The following SFRP1 variants were observed in gnomAD, a reference collection of about 807,000 sequenced individuals.
The protein encoded by SFRP1 is secreted frizzled related protein 1.
Under a neutral mutation model 25.9 loss-of-function variants are expected in SFRP1, and 9 were observed. The ratio of observed to expected loss-of-function variants is 0.35; its 90% CI spans 0.21 to 0.61. The LOEUF is 0.61. Among genes scored for constraint, SFRP1 ranks in the 20% least tolerant of loss-of-function variants. The pLI is 0.78. For missense variants in SFRP1, 346 were observed against 418.2 expected, an observed-to-expected ratio of 0.83 and a Z score of 1.51; for synonymous variants, 178 against 174.0, an observed-to-expected ratio of 1.02 and a Z score of -0.18.
chr8:41,294,905 G>A (rs1046457960), intron 2 of SFRP1, among the ~76,000 whole-genome samples: 21 of 152,234 alleles, frequency 1.4e-4, no homozygotes, highest in African/African-American at 5.1e-4. Context: ...AGGACCCAGC[G>A]TGCAGCATGA....
chr8:41,297,527 T>G (rs1452242172), intron 2 of SFRP1, among the ~76,000 whole-genome samples: 1 of 152,170 alleles, frequency 6.6e-6, no homozygotes, highest in Non-Finnish European at 1.5e-5. Flanking sequence ...CTAAAACATT[T>G]TTTTCCAATA....
chr8:41,300,725 GAGTGGCACCC>G (rs1585520817), intron 2 of SFRP1, among the ~76,000 whole-genome samples: 1 of 152,210 alleles, frequency 6.6e-6, no homozygotes, highest in Admixed American at 6.5e-5. Flanking sequence ...TAAGAGGCGA[GAGTGGCACCC>G]TGTTGTCACA....
chr8:41,264,846 T>C lies in SFRP1; in HGVS notation c.*321A>G. On this transcript the variant is annotated 3_prime_UTR_variant, in exon 3 of 3. Transcript: ENST00000220772. ...GCTCTCACTTTCCGCCCAATCCCCC[T>C]TTTTGTGTTTTAGTGGCTGTGTTGC... The C allele has an allele frequency of 3.7e-6, 1 of 271,696 alleles. No individual in the cohort carries two copies. Among genetic ancestry groups the C allele is most frequent in the African/African-American group, 2.2e-5 (1 of 45,836 alleles). The allele number at this position is 271,696 out of a possible 1,614,324, so 16.8% of individuals were successfully genotyped here. A position where few individuals can be genotyped will look rare whatever the true frequency, so the allele number is the denominator to read the frequency against.
At chr8:41,291,939 C>T (rs1026742718) in intron 2 of SFRP1, among the ~76,000 whole-genome samples, 1 of 152,120 alleles carries the variant, frequency 6.6e-6, no homozygotes, top group Non-Finnish European at 1.5e-5. Flanking sequence ...GTGGGGACAG[C>T]GAGGTACCCT....
chr8:41,266,213 G>A (rs10092633), intron 2 of SFRP1, among the ~76,000 whole-genome samples: 6,167 of 151,780 alleles, frequency 0.041, 404 homozygotes, highest in African/African-American at 0.14. Flanking sequence ...CACCGCCTCC[G>A]CCCCCTATTC....
At chr8:41,266,914 C>T (rs997568478) in intron 2 of SFRP1, among the ~76,000 whole-genome samples, 7 of 152,216 alleles carry the variant, frequency 4.6e-5, no homozygotes, top group Admixed American at 1.3e-4. Flanking sequence ...TAAACATCAA[C>T]GTCCAACCAC....
At chr8:41,275,065 A>G (rs535350864) in intron 2 of SFRP1, 5 of 338,410 alleles carry the variant, frequency 1.5e-5, no homozygotes, top group Non-Finnish European at 2.9e-5. Flanking sequence ...GTCAATCCCC[A>G]TCATTTTTCA....
intron 2 of SFRP1, among the ~76,000 whole-genome samples, chr8:41,283,394 G>A (rs1193239500): frequency 6.6e-6 from 1 of 152,046 alleles, no homozygotes; most frequent in African/African-American, 2.4e-5. Context: ...AAACCCCCGT[G>A]AGACCATCTA....
Position 41,273,236 on chromosome 8 carries a change from T to A in SFRP1, c.623-7747A>T, listed in dbSNP as rs185983312. On this transcript the variant is annotated intron_variant, in intron 2 of 2. Transcript: ENST00000220772. ...CAGGCACAGTGGCTCACACCTGTAA[T>A]CCTAGCACTTTGGGAGGCAGAGGTA... Among the ~76,000 whole-genome samples, 574 of 152,316 alleles carry A rather than the reference T, an allele frequency of 3.8e-3. 5 individuals are homozygous for A. The highest frequency in any genetic ancestry group is 0.013 in the African/African-American group (541 of 41,560).
At position 41,309,152 on chromosome 8, in the gene SFRP1, A is replaced by T; in HGVS notation, c.8T>A (p.Ile3Asn). Reference sequence around the variant, plus strand: ...GCGGCGGCCCCCCTCGCTGCGCCCGATGCCCATGCCGGCTCTGCGCCCTGT... The same window carrying T: ...GCGGCGGCCCCCCTCGCTGCGCCCGTTGCCCATGCCGGCTCTGCGCCCTGT... Reference protein sequence around the residue: MGIGRSEGGRRGA... With the variant: MGNGRSEGGRRGA... The change falls in exon 1 of 3, where the codon ATC (isoleucine) becomes AAC (asparagine). Residue 3 changes from isoleucine to asparagine, a missense_variant. Ile to Asn is a moderately radical substitution (Grantham distance 149). Coordinates refer to ENST00000220772, the MANE Select transcript of SFRP1 (RefSeq NM_003012.5). The T allele has an allele frequency of 7.1e-7, 1 of 1,402,332 alleles. No homozygotes were observed. Among genetic ancestry groups the T allele is most frequent in the African/African-American group, 1.5e-5 (1 of 65,530 alleles). 86.9% of individuals were successfully genotyped at this position (1,402,332 alleles called of 1,614,324 possible).
chr8:41,308,997 G>T lies in SFRP1; in HGVS notation c.163C>A (p.Pro55Thr). Reference sequence around the variant, plus strand: ...GCGGGGATGTCCACGCACTGAGGTGGCTTGGTGTAGAAGCGCCCGCTCTGG... The same window carrying T: ...GCGGGGATGTCCACGCACTGAGGTGTCTTGGTGTAGAAGCGCCCGCTCTGG... ...PYQSGRFYTK[P>T]PQCVDIPADL... Residue 55 changes from proline (P) to threonine (T), a missense_variant, in exon 1 of 3, where the codon CCA (proline) becomes ACA (threonine). Physicochemically the swap from Pro to Thr is conservative, Grantham distance 38. Coordinates refer to ENST00000220772, the MANE Select transcript of SFRP1 (RefSeq NM_003012.5). The T allele has an allele frequency of 6.2e-7, 1 of 1,612,788 alleles. No homozygotes were observed.
chr8:41,265,120 G>T lies in SFRP1; in HGVS notation c.*47C>A. The T allele has an allele frequency of 1.9e-5, 3 of 160,642 alleles. No homozygotes were observed. Among genetic ancestry groups the T allele is most frequent in the Admixed American group, 8.7e-5 (1 of 11,546 alleles). 10.0% of individuals were successfully genotyped at this position (160,642 alleles called of 1,614,324 possible). On this transcript the variant is annotated 3_prime_UTR_variant, in exon 3 of 3. Coordinates refer to ENST00000220772, the MANE Select transcript of SFRP1 (RefSeq NM_003012.5). Reference sequence around the variant, plus strand: ...GGGTTCCCGGGGCACTGTCCCCCCCGCTCCCACCCCACCCGAGGCTCCCTC... The same window carrying T: ...GGGTTCCCGGGGCACTGTCCCCCCCTCTCCCACCCCACCCGAGGCTCCCTC...
chr8:41,273,019 A>G (rs1803530228), intron 2 of SFRP1, among the ~76,000 whole-genome samples: 1 of 152,250 alleles, frequency 6.6e-6, no homozygotes, highest in African/African-American at 2.4e-5. Context: ...ATAATGAATC[A>G]ATGCCTTTAA....
chr8:41,308,928 G>C lies in SFRP1; in HGVS notation c.232C>G (p.Leu78Val), dbSNP rs1415268484. The C allele has an allele frequency of 6.2e-7, 1 of 1,613,092 alleles. No individual in the cohort carries two copies. Among genetic ancestry groups the C allele is most frequent in the African/African-American group, 1.3e-5 (1 of 74,944 alleles). Residue 78 changes from leucine (L) to valine (V), a missense_variant, in exon 1 of 3, where the codon CTG (leucine) becomes GTG (valine). By Grantham distance (32) the Leu-to-Val change is conservative (BLOSUM62 1). Transcript: ENST00000220772. Reference protein sequence around the residue: ...CHNVGYKKMVLPNLLEHETMA... With the variant: ...CHNVGYKKMVVPNLLEHETMA... ...GTCTCGTGCTCCAGCAGGTTGGGCA[G>C]CACCATCTTCTTGTAGCCCACGTTG...
chr8:41,291,388 C>A (rs1011543445), intron 2 of SFRP1, among the ~76,000 whole-genome samples: 1 of 152,172 alleles, frequency 6.6e-6, no homozygotes, highest in Non-Finnish European at 1.5e-5. Context: ...CCCTGATAAG[C>A]TAGCTAACCA....
At chr8:41,300,564 G>A (rs1803902881) in intron 2 of SFRP1, among the ~76,000 whole-genome samples, 1 of 152,206 alleles carries the variant, frequency 6.6e-6, no homozygotes. Context: ...AAAGTGGCCA[G>A]AGGCAGGAAT....
chr8:41,303,409 A>C, intron 2 of SFRP1, 52 bp downstream of exon 2: 1 of 1,351,150 alleles, frequency 7.4e-7, no homozygotes, highest in Non-Finnish European at 1.1e-6. Flanking sequence ...TGGCAGAGGC[A>C]CAGACCAGGA....
chr8:41,294,613 C>T (rs886259569), intron 2 of SFRP1, among the ~76,000 whole-genome samples: 31 of 152,156 alleles, frequency 2.0e-4, no homozygotes, highest in Non-Finnish European at 2.4e-4. Context: ...TCCTGCCCTA[C>T]AGAAAATACC....
At chr8:41,286,319 T>C (rs947718247) in intron 2 of SFRP1, among the ~76,000 whole-genome samples, 1 of 152,202 alleles carries the variant, frequency 6.6e-6, no homozygotes, top group Non-Finnish European at 1.5e-5. Context: ...TGGATTCTAC[T>C]CCTGTTCCGA....
Sources: gnomAD v4.1 joint callset for allele counts (sites outside exome capture counted in the v4.1 genomes callset) on GRCh38, gnomAD v4.1.1 for gene constraint, MANE v1.5 for transcripts, NCBI Gene and HGNC (gene_info 2026-07-23, HGNC 2026-07-21) for gene names.